Variants in CERS6 observed in about 807,000 individuals in gnomAD.
CERS6 encodes LAG1 homolog, ceramide synthase 6.
A neutral mutation model predicts 56.8 loss-of-function variants in CERS6; 26 were observed. The observed-to-expected ratio is 0.46, with a 90% confidence interval of 0.34 to 0.63. The LOEUF is 0.63. Among genes scored for constraint, CERS6 ranks in the 30% least tolerant of loss-of-function variants. The probability of loss-of-function intolerance (pLI) is 0.01; values close to 1 mark genes in which losing one functional copy is unlikely to be tolerated. For synonymous variants in CERS6, 164 were observed against 173.3 expected, an observed-to-expected ratio of 0.95 and a Z score of 0.42; for missense variants, 415 against 467.5, an observed-to-expected ratio of 0.89 and a Z score of 1.04.
At chr2:168,700,283 C>A (rs1686772823) in intron 6 of CERS6, among the ~76,000 whole-genome samples, 1 of 152,112 alleles carries the variant, frequency 6.6e-6, no homozygotes. Flanking sequence ...CCAGATCTTG[C>A]CTGCTTCAGT....
chr2:168,638,514 A>T (rs899757477), intron 4 of CERS6, among the ~76,000 whole-genome samples: 62 of 152,082 alleles, frequency 4.1e-4, no homozygotes, highest in African/African-American at 1.4e-3. Context: ...ATAAACAAAA[A>T]TTCAATTCAG....
rs138808633 is a variant in CERS6, at chr2:168,597,253, A to G, written c.408-33732A>G. On this transcript the variant is annotated intron_variant, in intron 3 of 9. Transcript: ENST00000305747. ...CAGGCTTGACAGTAGAGCATTATTT[A>G]TTATATAAATTGCATGCTTGTAAAA... Among the ~76,000 whole-genome samples, 256 of 152,306 alleles carry G rather than the reference A, an allele frequency of 1.7e-3. 1 individual carries two copies. Among genetic ancestry groups the G allele is most frequent in the African/African-American group, 5.8e-3 (240 of 41,560 alleles).
intron 1 of CERS6, among the ~76,000 whole-genome samples, chr2:168,520,710 A>G (rs2105356168): frequency 7.0e-6 from 1 of 142,306 alleles, no homozygotes; most frequent in African/African-American, 2.6e-5. Flanking sequence ...CCTGGGTTCA[A>G]GCGATTCTTG....
chr2:168,469,280 G>A (rs1404238966), intron 1 of CERS6, among the ~76,000 whole-genome samples: 1 of 152,148 alleles, frequency 6.6e-6, no homozygotes, highest in Non-Finnish European at 1.5e-5. Flanking sequence ...GCTCTGCATA[G>A]TTTAAATATA....
At chr2:168,642,125 T>C (rs1685066543) in intron 4 of CERS6, among the ~76,000 whole-genome samples, 1 of 152,066 alleles carries the variant, frequency 6.6e-6, no homozygotes, top group Non-Finnish European at 1.5e-5. Flanking sequence ...TAATCCCAGG[T>C]CTTTGGGAGA....
At chr2:168,621,564 T>G (rs771487815) in intron 3 of CERS6, among the ~76,000 whole-genome samples, 36 of 152,190 alleles carry the variant, frequency 2.4e-4, no homozygotes, top group Non-Finnish European at 4.6e-4. Flanking sequence ...GTATTTTGAA[T>G]AGATTATAGG....
chr2:168,730,852 G>A (rs909225858), intron 8 of CERS6, among the ~76,000 whole-genome samples: 4 of 152,066 alleles, frequency 2.6e-5, no homozygotes, highest in African/African-American at 2.4e-5. Flanking sequence ...TTTGTTTGGT[G>A]ACTAATACAT....
intron 3 of CERS6, among the ~76,000 whole-genome samples, chr2:168,594,163 ATTATAC>A (rs1683740197): frequency 6.6e-6 from 1 of 152,234 alleles, no homozygotes; most frequent in African/African-American, 2.4e-5. Context: ...AAATACTATT[ATTATAC>A]TTATAAGAGT....
At chr2:168,752,476 T>C (rs1391520794) in intron 8 of CERS6, among the ~76,000 whole-genome samples, 4 of 152,156 alleles carry the variant, frequency 2.6e-5, no homozygotes, top group Admixed American at 1.3e-4. Context: ...CTTTGCTGGA[T>C]TGAACAGGAA....
chr2:168,617,940 T>A (rs190270493), intron 3 of CERS6, among the ~76,000 whole-genome samples: 17 of 152,212 alleles, frequency 1.1e-4, no homozygotes, highest in Admixed American at 4.6e-4. Context: ...AAAAGAAAAC[T>A]ACAGACCAAT....
intron 4 of CERS6, among the ~76,000 whole-genome samples, chr2:168,656,464 G>C (rs895935680): frequency 8.6e-5 from 13 of 151,766 alleles, no homozygotes; most frequent in African/African-American, 3.1e-4. Context: ...GTTCAGATGT[G>C]TTCGGAGTTT....
At chr2:168,711,414 A>C (rs1395172067) in intron 6 of CERS6, among the ~76,000 whole-genome samples, 4 of 152,210 alleles carry the variant, frequency 2.6e-5, no homozygotes, top group African/African-American at 4.8e-5. Context: ...AACTGACAGG[A>C]TAAAAATAAC....
At chr2:168,514,665 T>C (rs962882682) in intron 1 of CERS6, among the ~76,000 whole-genome samples, 1 of 152,170 alleles carries the variant, frequency 6.6e-6, no homozygotes, top group Non-Finnish European at 1.5e-5. Flanking sequence ...CTGCCTCCCT[T>C]GGGTTAGACA....
chr2:168,568,622 T>C (rs1695925716), intron 3 of CERS6, among the ~76,000 whole-genome samples: 1 of 152,248 alleles, frequency 6.6e-6, no homozygotes, highest in African/African-American at 2.4e-5. Context: ...ACATCATGTG[T>C]GTCTGTACTT....
chr2:168,473,007 C>T (rs1157552968), intron 1 of CERS6, among the ~76,000 whole-genome samples: 4 of 152,180 alleles, frequency 2.6e-5, no homozygotes, highest in African/African-American at 2.4e-5. Context: ...ACATTATGCT[C>T]ACCTTAAAAA....
At chr2:168,697,406 T>G (rs1033865011) in intron 6 of CERS6, among the ~76,000 whole-genome samples, 1 of 152,210 alleles carries the variant, frequency 6.6e-6, no homozygotes, top group Admixed American at 6.5e-5. Context: ...TCTTTGGTCA[T>G]GTAGTGTCAA....
chr2:168,568,261 T>C (rs1191565681), intron 3 of CERS6, among the ~76,000 whole-genome samples: 4 of 152,226 alleles, frequency 2.6e-5, no homozygotes, highest in African/African-American at 9.6e-5. Flanking sequence ...TTTCCAATAA[T>C]TTTGTTCAAC....
At chr2:168,512,831 C>G (rs1262006318) in intron 1 of CERS6, among the ~76,000 whole-genome samples, 1 of 151,994 alleles carries the variant, frequency 6.6e-6, no homozygotes, top group Non-Finnish European at 1.5e-5. Context: ...CCATGCCCAG[C>G]TAAGTTTTGT....
intron 2 of CERS6, among the ~76,000 whole-genome samples, chr2:168,551,437 G>A (rs985581924): frequency 6.6e-5 from 10 of 152,268 alleles, no homozygotes; most frequent in Admixed American, 6.5e-4. Flanking sequence ...GCTGCGTCCC[G>A]TCATTGTGGC....
Sources: allele counts gnomAD v4.1 joint callset (sites outside exome capture counted in the v4.1 genomes callset), GRCh38; gene constraint gnomAD v4.1.1; transcripts MANE v1.5; gene names NCBI Gene and HGNC (gene_info 2026-07-23, HGNC 2026-07-21).